ZMYM2: variants seen among roughly 807,000 people sequenced by gnomAD.
The protein encoded by ZMYM2 is zinc finger MYM-type containing 2.
Under a neutral mutation model 162.8 loss-of-function variants are expected in ZMYM2, and 56 were observed. The ratio of observed to expected loss-of-function variants is 0.34; its 90% CI spans 0.28 to 0.43. ZMYM2 has a LOEUF of 0.43. Ranked by LOEUF, ZMYM2 falls within the 20% of genes least tolerant of loss-of-function variation. The probability of loss-of-function intolerance (pLI) is 1.00; values close to 1 mark genes in which losing one functional copy is unlikely to be tolerated. For missense variants in ZMYM2, 1,275 were observed against 1,621.8 expected, an observed-to-expected ratio of 0.79 and a Z score of 3.67; for synonymous variants, 510 against 541.6, an observed-to-expected ratio of 0.94 and a Z score of 0.81.
At chr13:19,911,478 C>A in the ZMYM2 span, among the ~76,000 whole-genome samples, 2 of 152,158 alleles carry the variant, frequency 1.3e-5, no homozygotes, top group African/African-American at 4.8e-5. Flanking sequence ...GTTACGCTTT[C>A]TTTTAGCCTT....
At chr13:20,006,312 T>G in intron 5 of ZMYM2, 62 bp from the exon 6 acceptor site, 1 of 1,460,296 alleles carries the variant, frequency 6.8e-7, no homozygotes, top group Non-Finnish European at 9.2e-7. Context: ...TCAGAATGCT[T>G]TATTATTTAG....
the ZMYM2 span, among the ~76,000 whole-genome samples, chr13:19,952,588 A>G: frequency 6.6e-6 from 1 of 152,340 alleles, no homozygotes; most frequent in South Asian, 2.1e-4. Flanking sequence ...TGAACTGGTA[A>G]GGAAGAGTGA....
intron 2 of ZMYM2, among the ~76,000 whole-genome samples, chr13:19,989,778 C>T (rs1257399354): frequency 6.6e-6 from 1 of 152,180 alleles, no homozygotes; most frequent in Non-Finnish European, 1.5e-5. Flanking sequence ...CCATTAACCC[C>T]CACCTCGCCA....
chr13:20,040,169 C>T (rs1005625472), intron 12 of ZMYM2, among the ~76,000 whole-genome samples: 1 of 152,170 alleles, frequency 6.6e-6, no homozygotes, highest in Non-Finnish European at 1.5e-5. Context: ...ATGATACCAG[C>T]TCTTCTTTGT....
At chr13:19,968,699 C>G (rs900221067) in intron 2 of ZMYM2, among the ~76,000 whole-genome samples, 1 of 152,196 alleles carries the variant, frequency 6.6e-6, no homozygotes, top group Non-Finnish European at 1.5e-5. Context: ...TTCTTGACTC[C>G]ATTGTAGCCA....
the ZMYM2 span, among the ~76,000 whole-genome samples, chr13:19,891,543 A>C: frequency 6.7e-6 from 1 of 150,118 alleles, no homozygotes; most frequent in Admixed American, 6.7e-5. Context: ...TGAGAGGCCA[A>C]GGGAGGAGGA....
At chr13:19,895,093 A>AG in the ZMYM2 span, among the ~76,000 whole-genome samples, 32 of 151,132 alleles carry the variant, frequency 2.1e-4, no homozygotes, top group South Asian at 8.3e-4. Flanking sequence ...AAAAAAAAAA[A>AG]AAAAGAAAAT....
intron 14 of ZMYM2, among the ~76,000 whole-genome samples, chr13:20,057,611 G>T (rs929352212): frequency 6.6e-6 from 1 of 152,170 alleles, no homozygotes; most frequent in Non-Finnish European, 1.5e-5. Context: ...TACAGTATGC[G>T]TGTGCATTAT....
At chr13:20,017,623 T>TC (rs1251315763) in intron 6 of ZMYM2, among the ~76,000 whole-genome samples, 1 of 151,974 alleles carries the variant, frequency 6.6e-6, no homozygotes, top group Non-Finnish European at 1.5e-5. Flanking sequence ...TACTTTTTTT[T>TC]TTTTGTTACA....
chr13:20,078,848 T>C (rs965001114), intron 21 of ZMYM2, among the ~76,000 whole-genome samples: 20 of 152,158 alleles, frequency 1.3e-4, no homozygotes, highest in African/African-American at 4.8e-4. Flanking sequence ...AAAATGTGGC[T>C]ACTAGAATAA....
the ZMYM2 span, among the ~76,000 whole-genome samples, chr13:19,953,133 A>C: frequency 6.6e-6 from 1 of 152,178 alleles, no homozygotes; most frequent in Non-Finnish European, 1.5e-5. Flanking sequence ...CCCTGCCTCC[A>C]GAATGGTGAG....
rs1191344490 is a variant in ZMYM2, at chr13:20,067,278, C to G, written c.3341C>G (p.Thr1114Ser). The change falls in exon 21 of 25, where the codon ACC becomes AGC. Residue 1114 changes from threonine (T) to serine (S), a missense_variant. Thr to Ser is a moderately conservative substitution (Grantham distance 58). Around this residue, in one of 10 missense-constraint regions of ZMYM2, gnomAD observed 229 missense variants for 283.8 expected, o/e 0.81. Transcript: ENST00000610343. Reference sequence around the variant, plus strand: ...TTAAAAGAGGATCTACTCTCTCACACCACAGCTGAGCTTAACTATGGGTTA... The same window carrying G: ...TTAAAAGAGGATCTACTCTCTCACAGCACAGCTGAGCTTAACTATGGGTTA... The part of the protein sequence containing the change: ...VKLKEDLLSH[T>S]TAELNYGLAH... 1 of 1,585,322 alleles carries G rather than the reference C, an allele frequency of 6.3e-7. No homozygotes were observed. The highest frequency in any genetic ancestry group is 8.6e-7 in the Non-Finnish European group (1 of 1,164,656).
intron 21 of ZMYM2, among the ~76,000 whole-genome samples, 178 bp downstream of exon 21, chr13:20,067,568 T>C (rs1438197100): frequency 2.6e-5 from 4 of 152,164 alleles, no homozygotes; most frequent in African/African-American, 9.7e-5. Flanking sequence ...TCCTTACCCA[T>C]TGCAGATAAG....
At chr13:19,863,898 C>T in the ZMYM2 span, 4 of 130,226 alleles carry the variant, frequency 3.1e-5, no homozygotes, top group African/African-American at 1.0e-4. Flanking sequence ...CCGCCGGTCT[C>T]CCGCCCCCAG....
At chr13:19,973,567 A>G (rs1254874365) in intron 2 of ZMYM2, among the ~76,000 whole-genome samples, 1 of 149,406 alleles carries the variant, frequency 6.7e-6, no homozygotes, top group African/African-American at 2.5e-5. Flanking sequence ...GCTACTTGAG[A>G]GGCTGAGGCA....
At chr13:19,957,465 G>A (rs1051110943), upstream of ZMYM2, among the ~76,000 whole-genome samples, 1 of 152,228 alleles carries the variant, frequency 6.6e-6, no homozygotes, top group African/African-American at 2.4e-5. Flanking sequence ...CTTGGAAATG[G>A]TTCAGCACCA....
chr13:20,061,205 A>G lies in ZMYM2; in HGVS notation c.2892A>G (p.Thr964=), dbSNP rs1233472040. The G allele has an allele frequency of 2.5e-6, 4 of 1,613,802 alleles. No individual in the cohort carries two copies. The highest frequency in any genetic ancestry group is 3.3e-5 in the Admixed American group (2 of 60,000). ...TDMMSEDEGK[T]ETTNINSVII... is the part of the protein sequence containing the mutation. ...TGATGAGTGAAGACGAGGGGAAAAC[A>G]GAGACAACCAACATCAACAGTGAGC... The change falls in exon 17 of 25, where the codon ACA becomes ACG. Residue 964 remains threonine, a synonymous_variant. Transcript: ENST00000610343.
At chr13:19,982,410 C>T (rs934512530) in intron 2 of ZMYM2, among the ~76,000 whole-genome samples, 1 of 150,256 alleles carries the variant, frequency 6.7e-6, no homozygotes, top group Non-Finnish European at 1.5e-5. Flanking sequence ...GCCTCAGCCT[C>T]CTGAGTAGCC....
At chr13:19,972,849 GTTC>G (rs1347774783) in intron 2 of ZMYM2, among the ~76,000 whole-genome samples, 1 of 151,276 alleles carries the variant, frequency 6.6e-6, no homozygotes, top group Non-Finnish European at 1.5e-5. Flanking sequence ...AATTTAATGT[GTTC>G]CCTCTGAAGT....
Sources: allele counts gnomAD v4.1 joint callset (sites outside exome capture counted in the v4.1 genomes callset), GRCh38; gene constraint gnomAD v4.1.1; regional missense constraint gnomAD v4.1.1; transcripts MANE v1.5; gene names NCBI Gene and HGNC (gene_info 2026-07-23, HGNC 2026-07-21).